UXS1: variants seen among roughly 807,000 people sequenced by gnomAD.
UXS1 encodes the protein UDP-glucuronic acid decarboxylase 1.
UXS1 carries 33 observed loss-of-function variants against 62.6 expected under a neutral mutation model. That is an observed-to-expected ratio of 0.53 (90% CI 0.40 to 0.70). UXS1 has a LOEUF of 0.70. Among genes scored for constraint, UXS1 ranks in the 30% least tolerant of loss-of-function variants. The pLI is 0.00. For missense variants in UXS1, 434 were observed against 556.3 expected, an observed-to-expected ratio of 0.78 and a Z score of 2.21; for synonymous variants, 213 against 206.8, an observed-to-expected ratio of 1.03 and a Z score of -0.26.
intron 4 of UXS1, among the ~76,000 whole-genome samples, chr2:106,158,440 A>G (rs1441334537): frequency 6.6e-6 from 1 of 152,234 alleles, no homozygotes; most frequent in Non-Finnish European, 1.5e-5. Context: ...ATAAAACCAC[A>G]CCATGAGGGA....
intron 9 of UXS1, among the ~76,000 whole-genome samples, chr2:106,121,787 C>T (rs541687514): frequency 6.6e-6 from 1 of 152,330 alleles, no homozygotes; most frequent in South Asian, 2.1e-4. Context: ...ATTTATGCAT[C>T]TTTAATGCTG....
chr2:106,138,133 C>T (rs776302098), intron 6 of UXS1: 17 of 979,296 alleles, frequency 1.7e-5, no homozygotes, highest in Admixed American at 6.2e-5. Context: ...GTACAGGAAG[C>T]CTCTCCGACA....
intron 5 of UXS1, 51 bp downstream of exon 5, chr2:106,158,007 A>G (rs1682581451): frequency 1.4e-6 from 2 of 1,451,860 alleles, no homozygotes; most frequent in African/African-American, 1.4e-5. Flanking sequence ...CTCTCAACGA[A>G]AAAAGAAAGT....
intron 7 of UXS1, among the ~76,000 whole-genome samples, chr2:106,126,420 TA>T (rs1679956692): frequency 1.3e-5 from 2 of 151,732 alleles, no homozygotes; most frequent in Admixed American, 6.6e-5. Context: ...GCCACTACAC[TA>T]GAGGGGGGCT....
At chr2:106,164,707 A>G (rs1241066571) in intron 3 of UXS1, 29 bp downstream of exon 3, 4 of 1,491,312 alleles carry the variant, frequency 2.7e-6, no homozygotes, top group African/African-American at 2.8e-5. Flanking sequence ...TACAGATGAA[A>G]TAGATACAAA....
chr2:106,118,853 C>T (rs573032248), intron 9 of UXS1, among the ~76,000 whole-genome samples: 1 of 152,026 alleles, frequency 6.6e-6, no homozygotes, highest in East Asian at 1.9e-4. Flanking sequence ...AAGACATATC[C>T]ACATACTATA....
At chr2:106,112,561 A>G in intron 10 of UXS1, 85 bp downstream of exon 10, 2 of 1,545,976 alleles carry the variant, frequency 1.3e-6, no homozygotes, top group African/African-American at 2.7e-5. Context: ...CACTCCCTGA[A>G]CCAAGATGCA....
intron 4 of UXS1, chr2:106,160,383 GTC>G (rs1682799797): frequency 2.0e-5 from 3 of 152,198 alleles, no homozygotes; most frequent in African/African-American, 7.2e-5. Flanking sequence ...CCTCCGAACT[GTC>G]TGTCGTGAAA....
intron 6 of UXS1, among the ~76,000 whole-genome samples, chr2:106,136,879 A>G (rs1384459329): frequency 1.5e-5 from 2 of 129,816 alleles, no homozygotes; most frequent in African/African-American, 5.8e-5. Flanking sequence ...AACCTGCACA[A>G]TGTGCACATG....
At chr2:106,125,788 T>C in intron 7 of UXS1, 109 bp from the exon 8 acceptor site, 2 of 881,176 alleles carry the variant, frequency 2.3e-6, no homozygotes, top group Non-Finnish European at 1.7e-6. Context: ...TAATTATCTA[T>C]CCAATTATCT....
chr2:106,143,408 CAAAAAAAAAAAAAAAAAAA>C (rs60493984), intron 6 of UXS1, among the ~76,000 whole-genome samples: 3 of 38,634 alleles, frequency 7.8e-5, no homozygotes, highest in African/African-American at 1.2e-4. Flanking sequence ...GACTCCGTCT[CAAAAAAAAAAAAAAAAAAA>C]AAAAAAAAAA....
At chr2:106,163,815 T>G in intron 3 of UXS1, 105 bp from the exon 4 acceptor site, 1 of 593,924 alleles carries the variant, frequency 1.7e-6, no homozygotes. Context: ...TTTTAATTTC[T>G]TCTACAAATT....
intron 1 of UXS1, among the ~76,000 whole-genome samples, chr2:106,167,965 C>T (rs1247580466): frequency 6.6e-6 from 1 of 152,112 alleles, no homozygotes; most frequent in African/African-American, 2.4e-5. Context: ...AGTTCAAGAC[C>T]AGCCTAACCA....
At chr2:106,141,865 G>GTTT (rs11448932) in intron 6 of UXS1, among the ~76,000 whole-genome samples, 14 of 145,384 alleles carry the variant, frequency 9.6e-5, no homozygotes, top group Admixed American at 3.4e-4. Context: ...TAGCTTCAGT[G>GTTT]TTTTTTTTTT....
chr2:106,145,230 C>T lies in UXS1; in HGVS notation c.432G>A (p.Glu144=). 1 of 1,613,914 alleles carries T rather than the reference C, an allele frequency of 6.2e-7. No individual in the cohort carries two copies. ...VEHWIGHENF[E]LINHDVVEPL... ...GCTCCACCACGTCGTGGTTAATCAACTCGAAGTTCTCATGTCCGATCCAGT... is the reference window on the plus strand; with the variant it reads ...GCTCCACCACGTCGTGGTTAATCAATTCGAAGTTCTCATGTCCGATCCAGT... The change falls in exon 6 of 15, where the codon GAG becomes GAA. Residue 144 remains glutamate, a synonymous_variant. Transcript: ENST00000283148.
intron 1 of UXS1, among the ~76,000 whole-genome samples, chr2:106,180,480 G>A (rs1198583944): frequency 6.6e-6 from 1 of 152,160 alleles, no homozygotes; most frequent in Non-Finnish European, 1.5e-5. Context: ...AGAAAGCTCT[G>A]CAATAAGTAT....
At chr2:106,129,242 AC>A (rs1680223963) in intron 7 of UXS1, among the ~76,000 whole-genome samples, 1 of 151,640 alleles carries the variant, frequency 6.6e-6, no homozygotes, top group South Asian at 2.1e-4. Flanking sequence ...CTACTGAATC[AC>A]CCCCGTGTGT....
Position 106,096,832 on chromosome 2 carries a change from T to TA in UXS1, c.1043-12dup, listed in dbSNP as rs760503837. The TA allele has an allele frequency of 3.2e-6, 5 of 1,569,046 alleles. No individual in the cohort carries two copies. The South Asian group carries it at 5.9e-5, about 18-fold the overall frequency. ...TTTCACTTCCGCTACCTGAGATGTT[T>TA]AAAGAAAAAAAAGGTAGGAGAGAAT... On this transcript the variant is annotated splice_polypyrimidine_tract_variant and intron_variant, in intron 13 of 14. Coordinates refer to ENST00000283148, the MANE Select transcript of UXS1 (RefSeq NM_001253875.2).
chr2:106,193,153 A>G (rs1234911774), intron 1 of UXS1, among the ~76,000 whole-genome samples: 1 of 152,000 alleles, frequency 6.6e-6, no homozygotes, highest in African/African-American at 2.4e-5. Context: ...TTGCCTTCCT[A>G]GAGCTCAACT....
Sources: allele counts gnomAD v4.1 joint callset (sites outside exome capture counted in the v4.1 genomes callset), GRCh38; gene constraint gnomAD v4.1.1; transcripts MANE v1.5; gene names NCBI Gene and HGNC (gene_info 2026-07-23, HGNC 2026-07-21).